KAZN: variants seen among roughly 807,000 people sequenced by gnomAD.
KAZN encodes the protein kazrin, periplakin interacting protein.
In KAZN, 40 loss-of-function variants were observed where a neutral mutation model predicts 87.4. The observed-to-expected ratio is 0.46, with a 90% confidence interval of 0.36 to 0.60. The LOEUF (loss-of-function observed/expected upper bound fraction) is 0.60, where lower values mean the gene tolerates loss of function less well. Ranked by LOEUF, KAZN falls within the 20% of genes least tolerant of loss-of-function variation. The pLI, the probability that KAZN is intolerant of heterozygous loss-of-function variation, is 0.00. For synonymous variants in KAZN, 466 were observed against 458.3 expected, an observed-to-expected ratio of 1.02 and a Z score of -0.22; for missense variants, 898 against 1,073.9, an observed-to-expected ratio of 0.84 and a Z score of 2.29.
chr1:14,899,461 T>A (rs985796575), intron 1 of KAZN, among the ~76,000 whole-genome samples: 6 of 152,154 alleles, frequency 3.9e-5, no homozygotes, highest in Non-Finnish European at 8.8e-5. Context: ...TCAAACTCCT[T>A]TTTCCAGATG....
chr1:14,279,770 AGT>A (rs1652695159), intron 2 of KAZN, among the ~76,000 whole-genome samples: 1 of 152,184 alleles, frequency 6.6e-6, no homozygotes, highest in African/African-American at 2.4e-5. Context: ...AGGCAGAAAA[AGT>A]GAGAGAGAAG....
intron 2 of KAZN, among the ~76,000 whole-genome samples, chr1:15,012,779 G>A (rs144715175): frequency 0.011 from 1,651 of 152,186 alleles, 30 homozygotes; most frequent in African/African-American, 0.038. Context: ...AAAATTAGCC[G>A]GGCGTGGTGG....
chr1:14,668,587 C>T (rs1639723079), intron 1 of KAZN, among the ~76,000 whole-genome samples: 2 of 152,134 alleles, frequency 1.3e-5, no homozygotes, highest in Non-Finnish European at 1.5e-5. Context: ...TCCTCCTTCC[C>T]CACCTGTCCC....
At chr1:15,048,769 A>ATCCTGGGTCGTCGATCCTGGGTCGTTGG (rs1673937852) in intron 4 of KAZN, among the ~76,000 whole-genome samples, 1 of 118,206 alleles carries the variant, frequency 8.5e-6, no homozygotes, top group East Asian at 2.4e-4. Context: ...TGGGTCGTCG[A>ATCCTGGGTCGTCGATCCTGGGTCGTTGG]TCCTGGGTCG....
At chr1:14,633,001 C>T (rs757799805) in intron 1 of KAZN, among the ~76,000 whole-genome samples, 175 of 152,154 alleles carry the variant, frequency 1.2e-3, no homozygotes, top group Non-Finnish European at 2.2e-3. Context: ...ACTGCAACTT[C>T]CGCCTCCCAG....
rs114486553 is a variant in KAZN at position 13,947,798 on chromosome 1, G to A, written c.91+54042G>A. Reference sequence around the variant, plus strand: ...TGTATCTTCACGTGATCTTCCGTCTGTGTGTGCCTGTGTCCTAATCTCTTC... The same window carrying A: ...TGTATCTTCACGTGATCTTCCGTCTATGTGTGCCTGTGTCCTAATCTCTTC... On this transcript the variant is annotated intron_variant, in intron 1 of 16. Transcript: ENST00000636203. 8.3e-3 allele frequency among the ~76,000 whole-genome samples: 1,259 copies of A among 152,272 alleles called. 25 individuals are homozygous for A. The highest frequency in any genetic ancestry group is 0.029 in the African/African-American group (1,201 of 41,550).
intron 2 of KAZN, among the ~76,000 whole-genome samples, chr1:14,479,839 C>T (rs951423332): frequency 6.6e-6 from 1 of 152,194 alleles, no homozygotes; most frequent in Non-Finnish European, 1.5e-5. Context: ...AGAACCCCTA[C>T]TTCAGCAGGT....
intron 2 of KAZN, among the ~76,000 whole-genome samples, chr1:14,423,535 C>CCA (rs1032820593): frequency 6.6e-6 from 1 of 152,182 alleles, no homozygotes; most frequent in African/African-American, 2.4e-5. Context: ...CCTCAGCTCC[C>CCA]CACACACAGT....
intron 1 of KAZN, among the ~76,000 whole-genome samples, chr1:14,605,958 C>T (rs1677323425): frequency 6.6e-6 from 1 of 152,202 alleles, no homozygotes; most frequent in African/African-American, 2.4e-5. Flanking sequence ...TGGATTAATG[C>T]ATTTCAGGAA....
In KAZN at chr1:14,243,021, C is replaced by T. The variant is rs1286026059; in HGVS notation, c.249+62429C>T. Among the ~76,000 whole-genome samples the T allele has an allele frequency of 9.8e-5, 15 of 152,344 alleles. No homozygotes were observed. In the South Asian group the frequency reaches 1.9e-3, roughly 19 times the overall value. On this transcript the variant is annotated intron_variant, in intron 2 of 16. Transcript: ENST00000636203. ...ATTAAGTGAGAGCAGCATGTGACCA[C>T]GAACCCCAAATGGGACATCAGACAG...
chr1:14,713,929 C>G, intron 1 of KAZN, among the ~76,000 whole-genome samples: 1 of 151,974 alleles, frequency 6.6e-6, no homozygotes. Flanking sequence ...GCACTCCAGC[C>G]CGGGCAACAG....
intron 2 of KAZN, among the ~76,000 whole-genome samples, chr1:14,188,412 G>A (rs934335981): frequency 6.6e-6 from 1 of 152,072 alleles, no homozygotes; most frequent in Non-Finnish European, 1.5e-5. Flanking sequence ...ATTCCAGCTG[G>A]TCCCTTGGGA....
intron 1 of KAZN, among the ~76,000 whole-genome samples, chr1:14,000,880 T>C (rs888724289): frequency 6.6e-6 from 1 of 151,560 alleles, no homozygotes; most frequent in African/African-American, 2.4e-5. Flanking sequence ...CCTCCCGGGT[T>C]CACGCCATTC....
intron 2 of KAZN, among the ~76,000 whole-genome samples, chr1:14,182,457 T>G (rs919302170): frequency 6.6e-6 from 1 of 152,208 alleles, no homozygotes; most frequent in Non-Finnish European, 1.5e-5. Context: ...ACCACTCTGA[T>G]TGGTTTTCTT....
chr1:14,739,257 A>T (rs1046718904), intron 1 of KAZN, among the ~76,000 whole-genome samples: 1 of 152,206 alleles, frequency 6.6e-6, no homozygotes, highest in African/African-American at 2.4e-5. Flanking sequence ...CCAGATATGC[A>T]GATTTAAGTC....
chr1:15,104,337 T>C, intron 13 of KAZN, 148 bp downstream of exon 13: 1 of 849,354 alleles, frequency 1.2e-6, no homozygotes, highest in Non-Finnish European at 1.7e-6. Flanking sequence ...CTTTTACAGA[T>C]CAGGAAACTA....
At chr1:14,718,874 C>G (rs1642947223) in intron 1 of KAZN, among the ~76,000 whole-genome samples, 1 of 152,332 alleles carries the variant, frequency 6.6e-6, no homozygotes, top group East Asian at 1.9e-4. Flanking sequence ...AACCACCCCA[C>G]TCCGCCCCAG....
intron 2 of KAZN, among the ~76,000 whole-genome samples, chr1:14,347,219 G>C (rs1317271233): frequency 6.6e-6 from 1 of 152,190 alleles, no homozygotes; most frequent in Non-Finnish European, 1.5e-5. Context: ...CTATCACGTA[G>C]ATTGTTCTGG....
intron 1 of KAZN, among the ~76,000 whole-genome samples, chr1:14,742,531 T>C (rs1405816940): frequency 6.6e-6 from 1 of 152,162 alleles, no homozygotes; most frequent in East Asian, 1.9e-4. Flanking sequence ...AGTCAGTTCA[T>C]CCGCCAGCAA....
Sources: gnomAD v4.1 joint callset for allele counts (sites outside exome capture counted in the v4.1 genomes callset) on GRCh38, gnomAD v4.1.1 for gene constraint, MANE v1.5 for transcripts, NCBI Gene and HGNC (gene_info 2026-07-23, HGNC 2026-07-21) for gene names.